GUCY2C: variants seen among roughly 807,000 people sequenced by gnomAD.
GUCY2C encodes the protein guanylate cyclase 2C, also known as guanylyl cyclase C.
Under a neutral mutation model 131.1 loss-of-function variants are expected in GUCY2C, and 118 were observed. That is an observed-to-expected ratio of 0.90 (90% CI 0.78 to 1.05). The LOEUF (loss-of-function observed/expected upper bound fraction) is 1.05, where lower values mean the gene tolerates loss of function less well. GUCY2C is among the 50% of genes least tolerant of loss of function. GUCY2C has a pLI of 0.00. For synonymous variants in GUCY2C, 452 were observed against 457.8 expected (o/e 0.99, Z 0.16); for missense variants, 1,161 against 1,304.4 (o/e 0.89, Z 1.69).
intron 3 of GUCY2C, among the ~76,000 whole-genome samples, chr12:14,685,626 T>G (rs1948453811): frequency 6.6e-6 from 1 of 152,170 alleles, no homozygotes; most frequent in Admixed American, 6.5e-5. Context: ...GAAAAATATA[T>G]TCATTCTAGA....
intron 19 of GUCY2C, among the ~76,000 whole-genome samples, chr12:14,629,037 G>A (rs1392266978): frequency 6.6e-6 from 1 of 152,140 alleles, no homozygotes; most frequent in Non-Finnish European, 1.5e-5. Context: ...TTACGTTGGA[G>A]AGAGAAAAAA....
chr12:14,638,593 G>C (rs1947326786), intron 19 of GUCY2C, among the ~76,000 whole-genome samples: 1 of 152,204 alleles, frequency 6.6e-6, no homozygotes. Context: ...AGGTCACTAT[G>C]TAAAGTGAAA....
At chr12:14,669,684 C>T (rs1403352447) in intron 10 of GUCY2C, 38 bp downstream of exon 10, 1 of 994,966 alleles carries the variant, frequency 1.0e-6, no homozygotes, top group Non-Finnish European at 1.6e-6. Context: ...ACCAGGAAAA[C>T]AGTGTCAGGG....
chr12:14,678,433 A>T (rs886616113), intron 6 of GUCY2C, among the ~76,000 whole-genome samples: 10 of 152,230 alleles, frequency 6.6e-5, no homozygotes, highest in Non-Finnish European at 1.2e-4. Context: ...AAGTAAAATT[A>T]TACCAACCTG....
At chr12:14,673,724 A>T (rs1948164656) in intron 8 of GUCY2C, among the ~76,000 whole-genome samples, 1 of 152,226 alleles carries the variant, frequency 6.6e-6, no homozygotes, top group Non-Finnish European at 1.5e-5. Flanking sequence ...CCAAATGTTA[A>T]GCCTGTGCTA....
chr12:14,620,966 CT>C, intron 23 of GUCY2C, 75 bp downstream of exon 23: 2 of 1,206,462 alleles, frequency 1.7e-6, no homozygotes, highest in Non-Finnish European at 1.2e-6. Context: ...ACTTGAAGAC[CT>C]TTTATCCTTT....
intron 4 of GUCY2C, among the ~76,000 whole-genome samples, 189 bp downstream of exon 4, chr12:14,682,853 T>C (rs1203150840): frequency 6.6e-6 from 1 of 152,202 alleles, no homozygotes; most frequent in Non-Finnish European, 1.5e-5. Context: ...CAAACTATAC[T>C]GATTATTTTT....
At position 14,674,850 on chromosome 12, in the gene GUCY2C, T is replaced by C. The variant is rs1035821316; in HGVS notation, c.949-90A>G. 1.3e-5 allele frequency: 13 copies of C among 1,000,596 alleles called. No individual in the cohort carries two copies. Among genetic ancestry groups the C allele is most frequent in the Non-Finnish European group, 1.9e-5 (13 of 674,894 alleles). 62.0% of individuals were successfully genotyped at this position (1,000,596 alleles called of 1,614,324 possible). On this transcript the variant is annotated intron_variant, in intron 7 of 26. Coordinates refer to ENST00000261170, the MANE Select transcript of GUCY2C (RefSeq NM_004963.4). ...CAAAAGGTTGTTGGGATCAGCAGGG[T>C]TACTGGAAAGTTAAAGGGATATCAG... is the stretch of plus-strand genomic sequence containing the variant.
chr12:14,614,697 C>A, intron 26 of GUCY2C, 170 bp downstream of exon 26: 1 of 552,782 alleles, frequency 1.8e-6, no homozygotes, highest in Non-Finnish European at 3.1e-6. Flanking sequence ...TCAGGATAAT[C>A]CCCTTCTTGC....
At chr12:14,641,632 T>C (rs554363267) in intron 17 of GUCY2C, among the ~76,000 whole-genome samples, 71 of 152,132 alleles carry the variant, frequency 4.7e-4, no homozygotes, top group Non-Finnish European at 8.8e-4. Flanking sequence ...AATGAACCTA[T>C]GAAAGCCTTC....
chr12:14,638,409 T>C (rs1389767741), intron 19 of GUCY2C, among the ~76,000 whole-genome samples: 2 of 152,236 alleles, frequency 1.3e-5, no homozygotes, highest in Non-Finnish European at 2.9e-5. Context: ...AAAGGATGCC[T>C]GCACACTTAC....
chr12:14,654,681 A>G (rs1284468255), intron 12 of GUCY2C, among the ~76,000 whole-genome samples: 1 of 152,198 alleles, frequency 6.6e-6, no homozygotes, highest in African/African-American at 2.4e-5. Context: ...GCTTACTCCA[A>G]AAGAGAAAAT....
chr12:14,639,223 G>A (rs959655194), intron 19 of GUCY2C, among the ~76,000 whole-genome samples: 8 of 149,506 alleles, frequency 5.4e-5, no homozygotes, highest in African/African-American at 1.5e-4. Context: ...GCTTGAAGAC[G>A]GGAGGCCGGA....
intron 11 of GUCY2C, among the ~76,000 whole-genome samples, chr12:14,659,183 A>G (rs943009940): frequency 1.3e-5 from 2 of 151,934 alleles, no homozygotes; most frequent in African/African-American, 4.8e-5. Flanking sequence ...AGCTGGGATT[A>G]CAGGCACCTG....
At chr12:14,626,909 T>C (rs1947030864) in intron 20 of GUCY2C, among the ~76,000 whole-genome samples, 2 of 152,222 alleles carry the variant, frequency 1.3e-5, no homozygotes, top group South Asian at 4.1e-4. Flanking sequence ...AGGAAAATCT[T>C]TTAAAAGCTG....
At position 14,651,985 on chromosome 12, in the gene GUCY2C, C is replaced by T; in HGVS notation, c.1579G>A (p.Glu527Lys). The change falls in exon 14 of 27, where the codon GAA becomes AAA. Residue 527 changes from glutamate to lysine, a missense_variant. By Grantham distance (56) the Glu-to-Lys change is moderately conservative. Coordinates refer to ENST00000261170, the MANE Select transcript of GUCY2C (RefSeq NM_004963.4). Reference protein sequence around the residue: ...DLKHNDGNFTEKQKIELNKLL... With the variant: ...DLKHNDGNFTKKQKIELNKLL... The stretch of plus-strand genomic sequence containing the variant: ...TTGTTCAATTCTATCTTCTGTTTTT[C>T]AGTGAAATTACCATCATTGTGCTTG... 6.3e-7 allele frequency: 1 copy of T among 1,599,274 alleles called. No homozygotes were observed. The highest frequency in any genetic ancestry group is 8.6e-7 in the Non-Finnish European group (1 of 1,167,196).
chr12:14,689,611 C>G (rs1311631279), intron 1 of GUCY2C, among the ~76,000 whole-genome samples: 1 of 152,148 alleles, frequency 6.6e-6, no homozygotes, highest in Non-Finnish European at 1.5e-5. Context: ...GTCCCATATG[C>G]AGTAAATAGT....
intron 1 of GUCY2C, among the ~76,000 whole-genome samples, chr12:14,690,065 C>A (rs1296885000): frequency 6.6e-6 from 1 of 152,162 alleles, no homozygotes; most frequent in African/African-American, 2.4e-5. Flanking sequence ...AAAATACATC[C>A]TCTTACTTTA....
chr12:14,691,135 T>C (rs937073543), intron 1 of GUCY2C, among the ~76,000 whole-genome samples: 9 of 152,252 alleles, frequency 5.9e-5, no homozygotes, highest in African/African-American at 2.2e-4. Flanking sequence ...TTTGCACTTC[T>C]ACAGCCACTT....
Sources: allele counts gnomAD v4.1 joint callset (sites outside exome capture counted in the v4.1 genomes callset), GRCh38; gene constraint gnomAD v4.1.1; transcripts MANE v1.5; gene names NCBI Gene and HGNC (gene_info 2026-07-23, HGNC 2026-07-21).